The following ADAM17 variants were observed in gnomAD, a reference collection of about 807,000 sequenced individuals.
The protein encoded by ADAM17 is ADAM metallopeptidase domain 17, also known as disintegrin and metalloproteinase domain-containing protein 17.
A neutral mutation model predicts 96.7 loss-of-function variants in ADAM17; 39 were observed. The ratio of observed to expected loss-of-function variants is 0.40; its 90% confidence interval spans 0.31 to 0.53. The LOEUF is 0.53. Ranked by LOEUF, ADAM17 falls within the 20% of genes least tolerant of loss-of-function variation. The pLI is 0.44. For missense variants in ADAM17, 777 were observed against 1,013.2 expected (o/e 0.77, Z 3.17); for synonymous variants, 344 against 359.2 (o/e 0.96, Z 0.48).
intron 8 of ADAM17, among the ~76,000 whole-genome samples, 155 bp from the exon 9 acceptor site, chr2:9,518,402 T>C (rs1281380491): frequency 1.3e-5 from 2 of 152,108 alleles, no homozygotes; most frequent in Non-Finnish European, 2.9e-5. Context: ...CGTGCAGTGC[T>C]TTGCTCTTTC....
At chr2:9,504,886 G>T (rs1006907253) in intron 12 of ADAM17, among the ~76,000 whole-genome samples, 1 of 151,702 alleles carries the variant, frequency 6.6e-6, no homozygotes, top group Admixed American at 6.6e-5. Context: ...TTTCTTATTT[G>T]TTTTTTGTTT....
chr2:9,518,003 G>C lies in ADAM17; in HGVS notation c.1103-14C>G. On this transcript the variant is annotated splice_polypyrimidine_tract_variant and intron_variant, in intron 9 of 18. Coordinates refer to ENST00000310823, the MANE Select transcript of ADAM17 (RefSeq NM_003183.6). Reference sequence around the variant, plus strand: ...GGCTATAATAAGCTAAAGTCAAAAGGAAACAGAGATAAATTGCTTATTAAA... The same window carrying C: ...GGCTATAATAAGCTAAAGTCAAAAGCAAACAGAGATAAATTGCTTATTAAA... 6.3e-7 allele frequency: 1 copy of C among 1,584,846 alleles called. No individual in the cohort carries two copies.
At chr2:9,536,478 A>T (rs1664965241) in intron 3 of ADAM17, among the ~76,000 whole-genome samples, 1 of 152,198 alleles carries the variant, frequency 6.6e-6, no homozygotes. Flanking sequence ...AATTTTAATC[A>T]TTAAACCAGC....
chr2:9,540,312 C>T (rs1203292638), intron 2 of ADAM17, among the ~76,000 whole-genome samples: 2 of 152,112 alleles, frequency 1.3e-5, no homozygotes, highest in Non-Finnish European at 2.9e-5. Context: ...GGAGTCCAAC[C>T]TTTGTTCAAA....
chr2:9,537,868 A>G (rs1474895945), intron 2 of ADAM17, among the ~76,000 whole-genome samples: 2 of 137,696 alleles, frequency 1.5e-5, no homozygotes, highest in Non-Finnish European at 3.2e-5. Context: ...GCACCAGAAG[A>G]CAGGAAAAGA....
rs530724386 is a variant in ADAM17 at position 9,502,597 on chromosome 2, C to T, written c.1545-321G>A. On this transcript the variant is annotated intron_variant, in intron 12 of 18. Coordinates refer to ENST00000310823, the MANE Select transcript of ADAM17 (RefSeq NM_003183.6). Reference sequence around the variant, plus strand: ...TTTAAAAAAGACAAGATGGGCTGGGCGAGGTGGCTCACACCTATAATCCCA... The same window carrying T: ...TTTAAAAAAGACAAGATGGGCTGGGTGAGGTGGCTCACACCTATAATCCCA... Among the ~76,000 whole-genome samples, 5 of 152,180 alleles carry T rather than the reference C, an allele frequency of 3.3e-5. No homozygotes were observed. The Middle Eastern group carries it at 0.01, about 311-fold the overall frequency.
intron 8 of ADAM17, 42 bp from the exon 9 acceptor site, chr2:9,518,289 T>A: frequency 2.0e-6 from 3 of 1,467,450 alleles, no homozygotes; most frequent in Non-Finnish European, 1.8e-6. Flanking sequence ...AAAGCATTCT[T>A]AGATTAACAA....
At chr2:9,520,315 C>T (rs757979628) in intron 8 of ADAM17, among the ~76,000 whole-genome samples, 46 of 152,302 alleles carry the variant, frequency 3.0e-4, no homozygotes, top group Middle Eastern at 3.4e-3. Context: ...CACACAAACT[C>T]AAGACACTGG....
At position 9,524,459 on chromosome 2, in the gene ADAM17, C is replaced by T. The variant is rs182871061; in HGVS notation, c.754-1121G>A. Among the ~76,000 whole-genome samples, 384 of 152,166 alleles carry T rather than the reference C, an allele frequency of 2.5e-3. 2 individuals carry two copies. The highest frequency in any genetic ancestry group is 8.9e-3 in the African/African-American group (369 of 41,506). On this transcript the variant is annotated intron_variant, in intron 6 of 18. Transcript: ENST00000310823. ...AAGCTATGATTTCACCACTGCACTC[C>T]GGCCTGGGCGACAGAGCCTTAAAAA...
Position 9,490,845 on chromosome 2 carries a change from C to T in ADAM17, c.2133+256G>A, listed in dbSNP as rs550029452. On this transcript the variant is annotated intron_variant, in intron 18 of 18. Transcript: ENST00000310823. Reference sequence around the variant, plus strand: ...AGAGAAATTGAACTCAAAATATTAACTAAGTGTTGAATGGCTAAATCACTC... The same window carrying T: ...AGAGAAATTGAACTCAAAATATTAATTAAGTGTTGAATGGCTAAATCACTC... Among the ~76,000 whole-genome samples, 6 of 152,288 alleles carry T rather than the reference C, an allele frequency of 3.9e-5. No individual in the cohort carries two copies. In the South Asian group the frequency reaches 1.0e-3, roughly 26 times the overall value.
At chr2:9,492,519 T>C (rs1401318552) in intron 17 of ADAM17, among the ~76,000 whole-genome samples, 2 of 152,174 alleles carry the variant, frequency 1.3e-5, no homozygotes, top group African/African-American at 2.4e-5. Flanking sequence ...ACATGATATA[T>C]GGGGAACATC....
At chr2:9,537,529 C>T (rs1374949804) in intron 2 of ADAM17, among the ~76,000 whole-genome samples, 3 of 152,080 alleles carry the variant, frequency 2.0e-5, no homozygotes, top group Non-Finnish European at 2.9e-5. Flanking sequence ...GTCAGGAGAT[C>T]GAGACCATCC....
rs1418977653 is a variant in ADAM17 at position 9,536,751 on chromosome 2, T to C, written c.308A>G (p.Asn103Ser). 1.4e-5 allele frequency: 22 copies of C among 1,613,962 alleles called. No homozygotes were observed. Among genetic ancestry groups the C allele is most frequent in the Non-Finnish European group, 1.9e-5 (22 of 1,179,984 alleles). ...NFKVVVVDGK[N>S]ESEYTVKWQD... ...CCATTTTACAGTGTACTCGCTTTCG[T>C]TTTTACCATCCACCACCACGACCTT... The change falls in exon 3 of 19, where the codon AAC becomes AGC. Residue 103 changes from asparagine (N) to serine (S), a missense_variant. Coordinates refer to ENST00000310823, the MANE Select transcript of ADAM17 (RefSeq NM_003183.6).
chr2:9,527,822 G>A lies in ADAM17; in HGVS notation c.583C>T (p.Leu195Phe). The change falls in exon 5 of 19, where the codon CTC becomes TTC. Residue 195 changes from leucine (L) to phenylalanine (F), a missense_variant. Physicochemically the swap from Leu to Phe is conservative, Grantham distance 22. Around this residue, in one of 3 missense-constraint regions of ADAM17, gnomAD observed 446 missense variants for 664.7 expected, o/e 0.67. Coordinates refer to ENST00000310823, the MANE Select transcript of ADAM17 (RefSeq NM_003183.6). ...GYLKVDNEEL[L>F]PKGLVDREPP... ...TCTCTGTCTACTAACCCTTTTGGGA[G>A]CAACTCTTCATTATCCACTTTTAAA... 6.3e-7 allele frequency: 1 copy of A among 1,599,462 alleles called. No individual in the cohort carries two copies. The highest frequency in any genetic ancestry group is 8.5e-7 in the Non-Finnish European group (1 of 1,174,532).
intron 1 of ADAM17, among the ~76,000 whole-genome samples, chr2:9,549,812 C>T (rs1665527267): frequency 6.6e-6 from 1 of 152,128 alleles, no homozygotes; most frequent in Non-Finnish European, 1.5e-5. Flanking sequence ...AGCCACCGCG[C>T]CCAGCTTGTG....
intron 1 of ADAM17, among the ~76,000 whole-genome samples, chr2:9,552,073 C>A (rs1484937928): frequency 6.6e-6 from 1 of 152,174 alleles, no homozygotes; most frequent in Non-Finnish European, 1.5e-5. Context: ...GGATGCTCAA[C>A]CCATATATGA....
intron 13 of ADAM17, 152 bp from the exon 14 acceptor site, chr2:9,497,400 C>T (rs1662696035): frequency 3.0e-6 from 3 of 997,360 alleles, no homozygotes; most frequent in Non-Finnish European, 4.3e-6. Context: ...CTGCATCTCA[C>T]CAGCAATCAG....
At position 9,490,040 on chromosome 2, in the gene ADAM17, C is replaced by A; in HGVS notation, c.*137G>T. ...GCCAAACCACACAAGAACTGTTTAC[C>A]TGCAGGAAGTTCAAACACATGACCA... is the stretch of plus-strand genomic sequence containing the variant. On this transcript the variant is annotated 3_prime_UTR_variant, in exon 19 of 19. Transcript: ENST00000310823. 1.3e-6 allele frequency: 1 copy of A among 791,306 alleles called. No individual in the cohort carries two copies. Among genetic ancestry groups the A allele is most frequent in the Admixed American group, 2.9e-5 (1 of 34,410 alleles). The allele number at this position is 791,306 out of a possible 1,614,324, so 49.0% of individuals were successfully genotyped here. A position where few individuals can be genotyped will look rare whatever the true frequency, so the allele number is the denominator to read the frequency against.
chr2:9,526,864 T>C (rs1318445647), intron 5 of ADAM17, among the ~76,000 whole-genome samples: 1 of 152,180 alleles, frequency 6.6e-6, no homozygotes, highest in East Asian at 1.9e-4. Flanking sequence ...GCTATGAAGC[T>C]GTCAGTCATA....
Sources: gnomAD v4.1 joint callset for allele counts (sites outside exome capture counted in the v4.1 genomes callset) on GRCh38, gnomAD v4.1.1 for gene constraint, gnomAD v4.1.1 regional missense constraint, MANE v1.5 for transcripts, NCBI Gene and HGNC (gene_info 2026-07-23, HGNC 2026-07-21) for gene names.